Variants in RIMS1 observed in about 807,000 individuals in gnomAD.
The protein encoded by RIMS1 is regulating synaptic membrane exocytosis 1, also known as regulating synaptic membrane exocytosis protein 1.
Under a neutral mutation model 214.1 loss-of-function variants are expected in RIMS1, and 83 were observed. That is an observed-to-expected ratio of 0.39 (90% confidence interval 0.32 to 0.47). The LOEUF (loss-of-function observed/expected upper bound fraction) is 0.47, where lower values mean the gene tolerates loss of function less well. RIMS1 is among the 20% of genes least tolerant of loss of function. The pLI is 0.99. For synonymous variants in RIMS1, 793 were observed against 786.8 expected, an observed-to-expected ratio of 1.01 and a Z score of -0.13; for missense variants, 2,050 against 2,161.8, an observed-to-expected ratio of 0.95 and a Z score of 1.03.
intron 25 of RIMS1, among the ~76,000 whole-genome samples, chr6:72,291,218 T>C (rs893051340): frequency 6.6e-6 from 1 of 152,192 alleles, no homozygotes; most frequent in Non-Finnish European, 1.5e-5. Flanking sequence ...AGAGGAAATT[T>C]TAAAAATCTT....
intron 2 of RIMS1, among the ~76,000 whole-genome samples, chr6:71,973,300 G>A (rs1355444463): frequency 6.6e-6 from 1 of 152,182 alleles, no homozygotes; most frequent in Non-Finnish European, 1.5e-5. Context: ...CTGAGACCCA[G>A]AACATCAGGT....
chr6:71,953,423 A>T (rs983368971), intron 1 of RIMS1, among the ~76,000 whole-genome samples: 1 of 152,214 alleles, frequency 6.6e-6, no homozygotes, highest in Non-Finnish European at 1.5e-5. Flanking sequence ...AGCAAATGGC[A>T]TAGCTAAACT....
intron 2 of RIMS1, among the ~76,000 whole-genome samples, chr6:72,017,744 G>A (rs1813242999): frequency 6.6e-6 from 1 of 152,104 alleles, no homozygotes; most frequent in Non-Finnish European, 1.5e-5. Flanking sequence ...AAGAGAATAG[G>A]GGCAGGGAGT....
chr6:72,136,198 G>A (rs2153868080), intron 4 of RIMS1, among the ~76,000 whole-genome samples: 1 of 152,192 alleles, frequency 6.6e-6, no homozygotes, highest in East Asian at 1.9e-4. Flanking sequence ...TGTTAGAAGA[G>A]TTAGTCATAG....
At chr6:72,349,959 G>A (rs1164205535) in intron 29 of RIMS1, among the ~76,000 whole-genome samples, 1 of 152,018 alleles carries the variant, frequency 6.6e-6, no homozygotes, top group Non-Finnish European at 1.5e-5. Flanking sequence ...ATAGGTTTTG[G>A]AGACTTATTG....
intron 5 of RIMS1, among the ~76,000 whole-genome samples, chr6:72,181,453 T>C (rs2048387408): frequency 6.6e-6 from 1 of 152,198 alleles, no homozygotes; most frequent in South Asian, 2.1e-4. Flanking sequence ...GAAGATGATA[T>C]CTTTAAATAA....
intron 1 of RIMS1, among the ~76,000 whole-genome samples, chr6:71,934,440 C>G (rs1040613812): frequency 1.3e-4 from 20 of 152,172 alleles, no homozygotes; most frequent in Non-Finnish European, 1.3e-4. Context: ...GCTGTTTACC[C>G]TGCTCGTCAC....
intron 15 of RIMS1, among the ~76,000 whole-genome samples, chr6:72,251,881 A>G (rs1032826338): frequency 1.3e-5 from 2 of 151,924 alleles, no homozygotes; most frequent in Non-Finnish European, 2.9e-5. Context: ...TGGCTAATTT[A>G]TTTTTGTATA....
At chr6:72,226,143 G>A (rs1000792976) in intron 6 of RIMS1, among the ~76,000 whole-genome samples, 1 of 152,034 alleles carries the variant, frequency 6.6e-6, no homozygotes, top group Admixed American at 6.6e-5. Flanking sequence ...GCATGTGTGT[G>A]TATGTGTTTG....
intron 4 of RIMS1, among the ~76,000 whole-genome samples, chr6:72,112,767 G>A (rs546135012): frequency 2.0e-5 from 3 of 152,226 alleles, no homozygotes; most frequent in Admixed American, 1.3e-4. Flanking sequence ...TACCATGTTT[G>A]ATTTTTCTCC....
chr6:72,055,565 T>G (rs899344311), intron 2 of RIMS1, among the ~76,000 whole-genome samples: 7 of 152,194 alleles, frequency 4.6e-5, no homozygotes, highest in Non-Finnish European at 1.0e-4. Flanking sequence ...TGGTGAGAGT[T>G]GGCATCCTTG....
intron 2 of RIMS1, among the ~76,000 whole-genome samples, chr6:72,021,982 A>G (rs982648479): frequency 1.3e-5 from 2 of 152,192 alleles, no homozygotes; most frequent in Non-Finnish European, 2.9e-5. Context: ...GTTTGAAAAT[A>G]CAATTTTTCT....
At chr6:72,255,569 T>C (rs2075451744) in intron 16 of RIMS1, among the ~76,000 whole-genome samples, 2 of 152,236 alleles carry the variant, frequency 1.3e-5, no homozygotes, top group Admixed American at 1.3e-4. Context: ...TTTGTAGTTA[T>C]AGCCTTATTG....
intron 18 of RIMS1, 46 bp downstream of exon 18, chr6:72,259,157 G>T: frequency 1.3e-6 from 2 of 1,550,836 alleles, no homozygotes; most frequent in Admixed American, 3.5e-5. Context: ...TTTTTGTTCT[G>T]TTTTAATATA....
At chr6:72,353,867 C>A (rs1158313634) in intron 29 of RIMS1, among the ~76,000 whole-genome samples, 1 of 152,064 alleles carries the variant, frequency 6.6e-6, no homozygotes, top group South Asian at 2.1e-4. Context: ...TTCCTGTATA[C>A]AGTAAGGAAA....
intron 30 of RIMS1, among the ~76,000 whole-genome samples, chr6:72,391,889 A>G (rs1463715022): frequency 3.3e-5 from 5 of 152,234 alleles, no homozygotes; most frequent in Admixed American, 1.3e-4. Flanking sequence ...ATTTGCCTCC[A>G]TCATAAACCA....
chr6:71,989,507 A>G (rs183557667), intron 2 of RIMS1, among the ~76,000 whole-genome samples: 2 of 152,328 alleles, frequency 1.3e-5, no homozygotes, highest in East Asian at 3.9e-4. Flanking sequence ...ATTTAAGATG[A>G]ATTCACATTT....
intron 2 of RIMS1, among the ~76,000 whole-genome samples, chr6:71,973,779 A>C (rs1386529070): frequency 1.3e-5 from 2 of 152,188 alleles, no homozygotes; most frequent in Admixed American, 1.3e-4. Flanking sequence ...CATACCTCCA[A>C]GGGCCAATAG....
intron 2 of RIMS1, among the ~76,000 whole-genome samples, chr6:72,087,413 G>A (rs1834945050): frequency 6.6e-6 from 1 of 152,220 alleles, no homozygotes; most frequent in Admixed American, 6.5e-5. Flanking sequence ...GATGCCTAAT[G>A]ATTGCCTATC....
Sources: gnomAD v4.1 joint callset for allele counts (sites outside exome capture counted in the v4.1 genomes callset) on GRCh38, gnomAD v4.1.1 for gene constraint, MANE v1.5 for transcripts, NCBI Gene and HGNC (gene_info 2026-07-23, HGNC 2026-07-21) for gene names.